COQ6: variants seen among roughly 807,000 people sequenced by gnomAD.
COQ6 encodes the protein ubiquinone biosynthesis monooxygenase COQ6, mitochondrial.
In COQ6, 45 loss-of-function variants were observed where a neutral mutation model predicts 55.5. The ratio of observed to expected loss-of-function variants is 0.81; its 90% confidence interval spans 0.64 to 1.04. The LOEUF is 1.04. Ranked by LOEUF, COQ6 falls within the 50% of genes least tolerant of loss-of-function variation. The pLI, the probability that COQ6 is intolerant of heterozygous loss-of-function variation, is 0.00. For synonymous variants in COQ6, 206 were observed against 230.5 expected (o/e 0.89, Z 0.96); for missense variants, 550 against 601.3 (o/e 0.91, Z 0.89).
In COQ6 at chr14:73,961,765, A is replaced by C. The variant is rs750676801; in HGVS notation, c.1239A>C (p.Glu413Asp). The C allele has an allele frequency of 2.4e-5, 38 of 1,614,044 alleles. No individual in the cohort carries two copies. The highest frequency in any genetic ancestry group is 3.0e-5 in the Non-Finnish European group (35 of 1,180,032). Residue 413 changes from glutamate (E) to aspartate (D), a missense_variant, in exon 11 of 12, where the codon GAA becomes GAC. Coordinates refer to ENST00000334571, the MANE Select transcript of COQ6 (RefSeq NM_182476.3). Reference protein sequence around the residue: ...LGSVSHLTGYETERQRHNTAL... With the variant: ...LGSVSHLTGYDTERQRHNTAL... ...CCGTGAGCCACCTCACAGGTTATGAAACAGAAAGACAGCGTCACAACACTG... is the reference window on the plus strand; with the variant it reads ...CCGTGAGCCACCTCACAGGTTATGACACAGAAAGACAGCGTCACAACACTG...
intron 7 of COQ6, 85 bp from the exon 8 acceptor site, chr14:73,959,330 A>T (rs773923049): frequency 6.2e-7 from 1 of 1,613,934 alleles, no homozygotes; most frequent in Non-Finnish European, 8.5e-7. Context: ...GGCTGTTTGT[A>T]AGTTCCCTTT....
chr14:73,960,751 G>A (rs1005548253), intron 8 of COQ6: 2 of 434,090 alleles, frequency 4.6e-6, no homozygotes, highest in Non-Finnish European at 7.6e-6. Flanking sequence ...ATACAGGGGG[G>A]AAACACAGAG....
chr14:73,960,644 C>G, intron 8 of COQ6: 1 of 1,006,158 alleles, frequency 9.9e-7, no homozygotes, highest in Non-Finnish European at 1.2e-6. Flanking sequence ...ATACTGAGAA[C>G]AGTCTCCGCT....
In COQ6 at chr14:73,961,729, C is replaced by T. The variant is rs370759889; in HGVS notation, c.1211-8C>T. The T allele has an allele frequency of 5.0e-6, 8 of 1,613,934 alleles. No individual in the cohort carries two copies. Among genetic ancestry groups the T allele is most frequent in the Non-Finnish European group, 6.8e-6 (8 of 1,179,948 alleles). On this transcript the variant is annotated splice_polypyrimidine_tract_variant and splice_region_variant and intron_variant, in intron 10 of 11. Transcript: ENST00000334571. ...GATTAGGGATTTAATCTTTCCTCTG[C>T]CCTTCAGGTTCCGTGAGCCACCTCA...
chr14:73,959,290 C>G, intron 7 of COQ6, 66 bp downstream of exon 7: 1 of 1,614,144 alleles, frequency 6.2e-7, no homozygotes. Flanking sequence ...TTTCTCTCAG[C>G]CTTTTTCTGG....
At chr14:73,958,813 G>A in intron 5 of COQ6, 158 bp from the exon 6 acceptor site, 4 of 1,525,986 alleles carry the variant, frequency 2.6e-6, no homozygotes, top group Non-Finnish European at 3.5e-6. Context: ...TGACAGTGCA[G>A]GGGCTCCACC....
intron 4 of COQ6, 147 bp downstream of exon 4, chr14:73,956,075 A>G (rs1343420699): frequency 3.4e-6 from 4 of 1,180,574 alleles, no homozygotes; most frequent in Non-Finnish European, 4.9e-6. Context: ...CTGTAATCCC[A>G]GCACTTTTGG....
chr14:73,958,308 C>T, intron 5 of COQ6, 31 bp downstream of exon 5: 2 of 1,612,994 alleles, frequency 1.2e-6, no homozygotes, highest in South Asian at 2.2e-5. Flanking sequence ...TGCTAGGGGT[C>T]TTGTATATCT....
chr14:73,950,237 G>A, upstream of COQ6: 1 of 1,538,552 alleles, frequency 6.5e-7, no homozygotes, highest in African/African-American at 1.4e-5. Context: ...TTCTGAGGAC[G>A]CCGCGGAAGC....
chr14:73,959,175 A>G lies in COQ6; in HGVS notation c.734A>G (p.Asn245Ser), dbSNP rs762634372. Residue 245 changes from asparagine (N) to serine (S), a missense_variant, in exon 7 of 12, where the codon AAC (asparagine) becomes AGC (serine). By Grantham distance (46) the Asn-to-Ser change is conservative. Transcript: ENST00000334571. ...TCTCTGTTGCAGGCCACAGAAAACA[A>G]CGTAGCCTGGCAGAGATTTCTTCCC... Reference protein sequence around the residue: ...TLHLSEATENNVAWQRFLPSG... With the variant: ...TLHLSEATENSVAWQRFLPSG... 12 of 1,614,140 alleles carry G rather than the reference A, an allele frequency of 7.4e-6. No individual in the cohort carries two copies. Among genetic ancestry groups the G allele is most frequent in the South Asian group, 2.2e-5 (2 of 91,082 alleles).
Position 73,951,531 on chromosome 14 carries a change from T to C in COQ6, c.163+1036T>C, listed in dbSNP as rs546000733. ...TTAGTAGAGACGGGGTTTCACCATA[T>C]TGGCCAGGCTGGTCTCGAACTCCTG... On this transcript the variant is annotated intron_variant, in intron 1 of 11. Transcript: ENST00000334571. Among the ~76,000 whole-genome samples the C allele has an allele frequency of 4.1e-3, 616 of 151,410 alleles. 2 individuals carry two copies. The highest frequency in any genetic ancestry group is 5.9e-3 in the Non-Finnish European group (400 of 67,838).
intron 8 of COQ6, chr14:73,959,947 C>G: frequency 8.8e-7 from 1 of 1,133,494 alleles, no homozygotes; most frequent in African/African-American, 1.6e-5. Flanking sequence ...AATGCTTGGT[C>G]TAGATTATGT....
At chr14:73,951,258 A>T (rs2056179114) in intron 1 of COQ6, among the ~76,000 whole-genome samples, 1 of 152,068 alleles carries the variant, frequency 6.6e-6, no homozygotes, top group African/African-American at 2.4e-5. Flanking sequence ...AGCCTCCCAA[A>T]GTGCTGGGAT....
chr14:73,952,404 G>T (rs1228769176), intron 1 of COQ6, among the ~76,000 whole-genome samples: 1 of 151,940 alleles, frequency 6.6e-6, no homozygotes, highest in African/African-American at 2.4e-5. Flanking sequence ...TTATAGGTGT[G>T]ACCCACTGTG....
intron 4 of COQ6, 178 bp downstream of exon 4, chr14:73,956,106 C>G: frequency 1.4e-6 from 1 of 726,624 alleles, no homozygotes; most frequent in Non-Finnish European, 2.3e-6. Flanking sequence ...GGGCGGATCA[C>G]GAGGTCAGGA....
chr14:73,958,491 A>G (rs999503358), intron 5 of COQ6: 63 of 1,389,796 alleles, frequency 4.5e-5, no homozygotes, highest in Non-Finnish European at 5.0e-5. Flanking sequence ...AGGTTGTGAA[A>G]TAACAGATAG....
intron 5 of COQ6, 25 bp downstream of exon 5, chr14:73,958,302 A>G (rs752321749): frequency 1.4e-5 from 22 of 1,613,330 alleles, no homozygotes; most frequent in Non-Finnish European, 1.8e-5. Flanking sequence ...TTATTTTGCT[A>G]GGGGTCTTGT....
Position 73,961,308 on chromosome 14 carries a change from C to G in COQ6, c.1027C>G (p.Arg343Gly). 1 of 1,614,196 alleles carries G rather than the reference C, an allele frequency of 6.2e-7. No individual in the cohort carries two copies. The highest frequency in any genetic ancestry group is 8.5e-7 in the Non-Finnish European group (1 of 1,180,044). The change falls in exon 9 of 12, where the codon CGA becomes GGA. Residue 343 changes from arginine to glycine, a missense_variant. Arg to Gly is a moderately radical substitution (Grantham distance 125). Transcript: ENST00000334571. ...CGTAGCCAGGGTGGATGCCAAAAGC[C>G]GAGTTCTGTTTCCTCTTGGGTTGGG... The part of the protein sequence containing the change: ...PSVARVDAKS[R>G]VLFPLGLGHA...
upstream of COQ6, chr14:73,950,267 C>T: frequency 6.5e-7 from 1 of 1,538,954 alleles, no homozygotes. Context: ...TTGGAGTGCT[C>T]TGCTCCGGAC....
Sources: gnomAD v4.1 joint callset for allele counts (sites outside exome capture counted in the v4.1 genomes callset) on GRCh38, gnomAD v4.1.1 for gene constraint, MANE v1.5 for transcripts, NCBI Gene and HGNC (gene_info 2026-07-23, HGNC 2026-07-21) for gene names.